Variants in WDR7 observed in about 807,000 individuals in gnomAD.
WDR7 encodes WD repeat-containing protein 7.
Under a neutral mutation model 169.4 loss-of-function variants are expected in WDR7, and 46 were observed. The observed-to-expected ratio is 0.27, with a 90% CI of 0.21 to 0.35. The LOEUF (loss-of-function observed/expected upper bound fraction) is 0.35, where lower values mean the gene tolerates loss of function less well. Ranked by LOEUF, WDR7 falls within the 10% of genes least tolerant of loss-of-function variation. WDR7 has a pLI of 1.00. For synonymous variants in WDR7, 612 were observed against 666.8 expected (o/e 0.92, Z 1.27); for missense variants, 1,534 against 1,859.3 (o/e 0.83, Z 3.22).
intron 20 of WDR7, among the ~76,000 whole-genome samples, chr18:56,823,305 C>T (rs991257463): frequency 2.0e-5 from 3 of 152,138 alleles, no homozygotes; most frequent in African/African-American, 4.8e-5. Flanking sequence ...TAGGCCAGTT[C>T]GGTGGCTAGT....
At chr18:56,980,284 G>A (rs530920373) in intron 26 of WDR7, among the ~76,000 whole-genome samples, 2 of 152,322 alleles carry the variant, frequency 1.3e-5, no homozygotes, top group African/African-American at 2.4e-5. Context: ...CCCCTGCAGA[G>A]GGACTGTTGA....
intron 21 of WDR7, among the ~76,000 whole-genome samples, chr18:56,880,668 A>G (rs1030935237): frequency 2.0e-5 from 3 of 152,236 alleles, no homozygotes; most frequent in Admixed American, 1.3e-4. Context: ...TAAATAATAC[A>G]TGGGTTTATG....
At chr18:56,661,071 T>C (rs1231782931) in intron 1 of WDR7, among the ~76,000 whole-genome samples, 2 of 152,252 alleles carry the variant, frequency 1.3e-5, no homozygotes, top group South Asian at 2.1e-4. Flanking sequence ...ACAATTCAGC[T>C]TCAAATTTGG....
At chr18:56,906,235 C>T (rs1265656041) in intron 21 of WDR7, among the ~76,000 whole-genome samples, 1 of 152,136 alleles carries the variant, frequency 6.6e-6, no homozygotes, top group African/African-American at 2.4e-5. Context: ...TAGGAATATA[C>T]TCAGCAGGAT....
intron 25 of WDR7, among the ~76,000 whole-genome samples, chr18:56,954,223 A>G (rs541859714): frequency 2.9e-4 from 44 of 152,250 alleles, no homozygotes; most frequent in Admixed American, 4.6e-4. Context: ...TTAACTGATT[A>G]ACTTTTAGTT....
intron 3 of WDR7, among the ~76,000 whole-genome samples, chr18:56,681,036 A>G (rs972305351): frequency 1.3e-5 from 2 of 152,130 alleles, no homozygotes; most frequent in Admixed American, 6.6e-5. Flanking sequence ...GGCCAGAACT[A>G]CTTACAAGAC....
At chr18:56,658,852 A>G (rs2024837350) in intron 1 of WDR7, among the ~76,000 whole-genome samples, 1 of 151,976 alleles carries the variant, frequency 6.6e-6, no homozygotes. Flanking sequence ...AGCTGGGACT[A>G]CAGGCGTGCA....
Position 56,696,228 on chromosome 18 carries a change from A to G in WDR7, c.1358-14A>G. On this transcript the variant is annotated splice_polypyrimidine_tract_variant and intron_variant, in intron 11 of 27. Coordinates refer to ENST00000254442, the MANE Select transcript of WDR7 (RefSeq NM_015285.3). Reference sequence around the variant, plus strand: ...TTTAATTTTCCCATTTTAAATCCAAACCCTCATTCACAGGTTGGCCACCTC... The same window carrying G: ...TTTAATTTTCCCATTTTAAATCCAAGCCCTCATTCACAGGTTGGCCACCTC... 1.3e-6 allele frequency: 2 copies of G among 1,584,910 alleles called. No individual in the cohort carries two copies. Among genetic ancestry groups the G allele is most frequent in the Non-Finnish European group, 1.7e-6 (2 of 1,164,798 alleles).
At chr18:56,856,041 G>A (rs537849149) in intron 20 of WDR7, among the ~76,000 whole-genome samples, 5 of 152,170 alleles carry the variant, frequency 3.3e-5, no homozygotes, top group South Asian at 2.1e-4. Flanking sequence ...CCGGGTGAGG[G>A]ATGGCGAAGA....
At chr18:57,021,886 A>T (rs1240806790) in intron 27 of WDR7, among the ~76,000 whole-genome samples, 1 of 152,246 alleles carries the variant, frequency 6.6e-6, no homozygotes, top group African/African-American at 2.4e-5. Flanking sequence ...GAAAAAATCA[A>T]TAGGTAATAA....
At chr18:56,993,286 A>G (rs1355037980) in intron 26 of WDR7, among the ~76,000 whole-genome samples, 2 of 152,216 alleles carry the variant, frequency 1.3e-5, no homozygotes, top group Non-Finnish European at 2.9e-5. Context: ...ATTTTTCTCG[A>G]GTTTCTACCT....
At chr18:56,940,886 C>T (rs899253299) in intron 25 of WDR7, among the ~76,000 whole-genome samples, 1 of 152,178 alleles carries the variant, frequency 6.6e-6, no homozygotes, top group South Asian at 2.1e-4. Flanking sequence ...GCCATATACT[C>T]AATCCCTAAA....
At chr18:56,715,902 AACCCTTTTTAT>A (rs2026181644) in intron 12 of WDR7, among the ~76,000 whole-genome samples, 1 of 152,322 alleles carries the variant, frequency 6.6e-6, no homozygotes, top group South Asian at 2.1e-4. Flanking sequence ...TGTAGCAACC[AACCCTTTTTAT>A]AAAATGAATA....
At chr18:56,746,183 A>G (rs1006044116) in intron 14 of WDR7, among the ~76,000 whole-genome samples, 2 of 152,340 alleles carry the variant, frequency 1.3e-5, no homozygotes, top group Admixed American at 1.3e-4. Context: ...CTGAAATTCT[A>G]TATGATGCTG....
intron 20 of WDR7, among the ~76,000 whole-genome samples, chr18:56,852,562 T>C (rs2045656268): frequency 6.6e-6 from 1 of 152,128 alleles, no homozygotes; most frequent in Non-Finnish European, 1.5e-5. Flanking sequence ...AGAAATTTAC[T>C]ATGTTTTAAT....
At chr18:57,011,030 A>G (rs1482030363) in intron 26 of WDR7, among the ~76,000 whole-genome samples, 1 of 152,194 alleles carries the variant, frequency 6.6e-6, no homozygotes, top group Non-Finnish European at 1.5e-5. Flanking sequence ...AATTTTGATA[A>G]TTTATAAAGG....
At chr18:56,662,742 A>G (rs1433491823) in intron 1 of WDR7, among the ~76,000 whole-genome samples, 67 of 152,248 alleles carry the variant, frequency 4.4e-4, no homozygotes, top group Admixed American at 4.3e-3. Context: ...ATGATGTCAT[A>G]AAAAACAATC....
chr18:57,027,329 C>G lies in WDR7; in HGVS notation c.*122C>G. ...TGCCCACCCCAGTGCCATCCAGTGG[C>G]ACGGCCGGGTCTTGTCACTTGTGCA... On this transcript the variant is annotated 3_prime_UTR_variant, in exon 28 of 28. Coordinates refer to ENST00000254442, the MANE Select transcript of WDR7 (RefSeq NM_015285.3). 1 of 1,131,840 alleles carries G rather than the reference C, an allele frequency of 8.8e-7. No homozygotes were observed. 70.1% of individuals were successfully genotyped at this position (1,131,840 alleles called of 1,614,324 possible). A position where few individuals can be genotyped will look rare whatever the true frequency, so the allele number is the denominator to read the frequency against.
intron 1 of WDR7, among the ~76,000 whole-genome samples, chr18:56,656,866 A>G (rs897434082): frequency 6.6e-6 from 1 of 152,196 alleles, no homozygotes; most frequent in Non-Finnish European, 1.5e-5. Context: ...ATCTGAGAAC[A>G]TGGAATGGTC....
Sources: allele counts gnomAD v4.1 joint callset (sites outside exome capture counted in the v4.1 genomes callset), GRCh38; gene constraint gnomAD v4.1.1; transcripts MANE v1.5; gene names NCBI Gene and HGNC (gene_info 2026-07-23, HGNC 2026-07-21).